GRIA3: variants seen among roughly 807,000 people sequenced by gnomAD.
GRIA3 encodes glutamate ionotropic receptor AMPA type subunit 3, also known as glutamate receptor 3.
A neutral mutation model predicts 63.0 loss-of-function variants in GRIA3; 3 were observed. The observed-to-expected ratio is 0.05, with a 90% confidence interval of 0.02 to 0.12. GRIA3 has a LOEUF of 0.12. Ranked by LOEUF, GRIA3 falls within the 10% of genes least tolerant of loss-of-function variation. The pLI, the probability that GRIA3 is intolerant of heterozygous loss-of-function variation, is 1.00. For synonymous variants in GRIA3, 274 were observed against 257.9 expected (o/e 1.06, Z -0.60); for missense variants, 347 against 700.9 (o/e 0.50, Z 5.70).
chrX:123,391,260 T>C (rs1432797930), intron 5 of GRIA3, among the ~76,000 whole-genome samples: 1 of 111,712 alleles, frequency 9.0e-6, no homozygotes, highest in Non-Finnish European at 1.9e-5. Flanking sequence ...ACATTTGATG[T>C]AACAGTTACT....
At position 123,204,349 on chromosome X, in the gene GRIA3, G is replaced by A. The variant is rs1424403251; in HGVS notation, c.268+18359G>A. ...AAGTTCCAAAAGGTGACCCCATGAT[G>A]TGGCTCATCCATTCATAGTGCTGAA... On this transcript the variant is annotated intron_variant, in intron 2 of 15. Coordinates refer to ENST00000620443, the MANE Select transcript of GRIA3 (RefSeq NM_007325.5). 7.8e-6 allele frequency: 8 copies of A among 1,025,308 alleles called. No homozygotes were observed. In the East Asian group the frequency reaches 2.7e-4, roughly 34 times the overall value. 84.5% of individuals were successfully genotyped at this position (1,025,308 alleles called of 1,213,427 possible).
At chrX:123,268,542 C>G (rs1179657448) in intron 3 of GRIA3, among the ~76,000 whole-genome samples, 1 of 109,851 alleles carries the variant, frequency 9.1e-6, no homozygotes, top group Non-Finnish European at 1.9e-5. Flanking sequence ...CCTTAAAAAC[C>G]TTTAATAATC....
At chrX:123,388,262 T>C (rs1368421079) in intron 5 of GRIA3, among the ~76,000 whole-genome samples, 1 of 111,508 alleles carries the variant, frequency 9.0e-6, no homozygotes, top group African/African-American at 3.3e-5. Flanking sequence ...TTTTTCTTTT[T>C]TGAGACAGGG....
chrX:123,316,474 C>A lies in GRIA3; in HGVS notation c.509-9552C>A, dbSNP rs550950400. Among the ~76,000 whole-genome samples, 20 of 112,111 alleles carry A rather than the reference C, an allele frequency of 1.8e-4. 1 individual carries two copies. The East Asian group carries it at 2.0e-3, about 11-fold the overall frequency. ...ACAACCTTTCTGGAGGGCAATCTGG[C>A]AGTATGTATCAAGAGCCTTAAACAT... On this transcript the variant is annotated intron_variant, in intron 3 of 15. Coordinates refer to ENST00000620443, the MANE Select transcript of GRIA3 (RefSeq NM_007325.5).
At chrX:123,273,401 C>T (rs1455586270) in intron 3 of GRIA3, among the ~76,000 whole-genome samples, 1 of 111,805 alleles carries the variant, frequency 8.9e-6, no homozygotes, top group Admixed American at 9.5e-5. Flanking sequence ...TGAGAATTGA[C>T]AAGAATTCCA....
intron 5 of GRIA3, among the ~76,000 whole-genome samples, chrX:123,384,623 A>G (rs2045344566): frequency 8.9e-6 from 1 of 111,855 alleles, no homozygotes; most frequent in Non-Finnish European, 1.9e-5. Context: ...AGACTCTGAA[A>G]AAAAAAAGTG....
chrX:123,363,001 C>T (rs1234075083), intron 5 of GRIA3, among the ~76,000 whole-genome samples: 1 of 112,632 alleles, frequency 8.9e-6, no homozygotes, highest in African/African-American at 3.2e-5. Context: ...GTCAACTCTA[C>T]ACATTGTATC....
intron 12 of GRIA3, among the ~76,000 whole-genome samples, chrX:123,441,821 A>AACACACACAC (rs34401132): frequency 9.5e-6 from 1 of 105,072 alleles, no homozygotes; most frequent in African/African-American, 3.5e-5. Flanking sequence ...CCTTCCTCTG[A>AACACACACAC]ACACACACAC....
intron 10 of GRIA3, among the ~76,000 whole-genome samples, chrX:123,405,359 C>T (rs1044562361): frequency 9.0e-6 from 1 of 111,498 alleles, no homozygotes; most frequent in Non-Finnish European, 1.9e-5. Flanking sequence ...CTCTTCACCC[C>T]CACCATCGTC....
intron 3 of GRIA3, among the ~76,000 whole-genome samples, chrX:123,260,461 G>GAAAGAAAGAAAGA (rs1569409644): frequency 2.9e-4 from 1 of 3,498 alleles, no homozygotes; most frequent in African/African-American, 7.8e-4. Flanking sequence ...AGAAAGAAAG[G>GAAAGAAAGAAAGA]AAGGAAGAAG....
intron 3 of GRIA3, among the ~76,000 whole-genome samples, chrX:123,276,478 A>G (rs190848803): frequency 4.7e-4 from 53 of 112,104 alleles, no homozygotes; most frequent in African/African-American, 1.6e-3. Flanking sequence ...GAAAATTTGT[A>G]AACTATACAG....
At chrX:123,262,928 ACGT>A (rs1451542638) in intron 3 of GRIA3, among the ~76,000 whole-genome samples, 1 of 111,225 alleles carries the variant, frequency 9.0e-6, no homozygotes, top group Non-Finnish European at 1.9e-5. Flanking sequence ...ATGCTCCCAA[ACGT>A]CACAGCTCAA....
intron 5 of GRIA3, among the ~76,000 whole-genome samples, chrX:123,374,374 T>C (rs2045270263): frequency 8.9e-6 from 1 of 111,977 alleles, no homozygotes; most frequent in South Asian, 3.7e-4. Context: ...TTAAAGTAGT[T>C]TTATCCAATT....
At chrX:123,434,872 T>A (rs1427291481) in intron 12 of GRIA3, among the ~76,000 whole-genome samples, 1 of 112,206 alleles carries the variant, frequency 8.9e-6, no homozygotes, top group Non-Finnish European at 1.9e-5. Context: ...ACACATCTAA[T>A]ATCTGCCTCC....
intron 2 of GRIA3, among the ~76,000 whole-genome samples, chrX:123,230,481 G>T (rs907788204): frequency 2.7e-5 from 3 of 111,227 alleles, no homozygotes; most frequent in Non-Finnish European, 5.7e-5. Flanking sequence ...AAAATGGTTT[G>T]GTAGAGATTT....
intron 2 of GRIA3, among the ~76,000 whole-genome samples, chrX:123,228,122 T>A (rs2044257545): frequency 8.9e-6 from 1 of 112,017 alleles, no homozygotes; most frequent in Admixed American, 9.5e-5. Flanking sequence ...CATGGACTTG[T>A]TGCGCCAACA....
chrX:123,210,148 A>T (rs1199438770), intron 2 of GRIA3, among the ~76,000 whole-genome samples: 3 of 85,781 alleles, frequency 3.5e-5, no homozygotes, highest in Non-Finnish European at 6.6e-5. Flanking sequence ...GCTCCATATT[A>T]AAAAAAAAAA....
intron 4 of GRIA3, among the ~76,000 whole-genome samples, chrX:123,346,211 A>G (rs1428651694): frequency 8.9e-6 from 1 of 111,939 alleles, no homozygotes; most frequent in Non-Finnish European, 1.9e-5. Flanking sequence ...ACAGATAGAA[A>G]ACTGAGGTTG....
intron 3 of GRIA3, among the ~76,000 whole-genome samples, chrX:123,318,435 T>C (rs1414987358): frequency 8.9e-6 from 1 of 112,356 alleles, no homozygotes; most frequent in Non-Finnish European, 1.9e-5. Flanking sequence ...TGGAGTGCTT[T>C]TAACAGCACC....
Sources: gnomAD v4.1 joint callset for allele counts (sites outside exome capture counted in the v4.1 genomes callset) on GRCh38, gnomAD v4.1.1 for gene constraint, MANE v1.5 for transcripts, NCBI Gene and HGNC (gene_info 2026-07-23, HGNC 2026-07-21) for gene names.